TTC7B: variants seen among roughly 807,000 people sequenced by gnomAD.
TTC7B encodes the protein tetratricopeptide repeat protein 7B.
Under a neutral mutation model 106.8 loss-of-function variants are expected in TTC7B, and 28 were observed. That is an observed-to-expected ratio of 0.26 (90% CI 0.19 to 0.36). The LOEUF is 0.36. Ranked by LOEUF, TTC7B falls within the 10% of genes least tolerant of loss-of-function variation. The pLI is 1.00. For missense variants in TTC7B, 862 were observed against 1,076.4 expected, an observed-to-expected ratio of 0.80 and a Z score of 2.79; for synonymous variants, 405 against 430.6, an observed-to-expected ratio of 0.94 and a Z score of 0.74.
chr14:90,654,847 C>A, intron 12 of TTC7B, 146 bp downstream of exon 12: 2 of 635,140 alleles, frequency 3.1e-6, no homozygotes, highest in Non-Finnish European at 5.5e-6. Flanking sequence ...AGGACAGCAG[C>A]ACCAGGGGCC....
intron 19 of TTC7B, among the ~76,000 whole-genome samples, chr14:90,559,990 C>CAA (rs1311296878): frequency 3.9e-5 from 6 of 152,254 alleles, no homozygotes; most frequent in African/African-American, 1.4e-4. Flanking sequence ...CCCTTGGCCC[C>CAA]TGTCCCTCTG....
chr14:90,599,065 C>T (rs545631251), intron 17 of TTC7B, among the ~76,000 whole-genome samples: 59 of 152,244 alleles, frequency 3.9e-4, no homozygotes, highest in African/African-American at 1.3e-3. Flanking sequence ...GCAGGAGAAT[C>T]GGTTGAACCC....
intron 15 of TTC7B, among the ~76,000 whole-genome samples, chr14:90,630,063 C>A (rs1403216605): frequency 6.6e-6 from 1 of 152,246 alleles, no homozygotes; most frequent in Non-Finnish European, 1.5e-5. Context: ...ACATGGCTGT[C>A]TCCAACCCCG....
At chr14:90,706,599 C>A (rs1005804621) in intron 5 of TTC7B, among the ~76,000 whole-genome samples, 2 of 152,166 alleles carry the variant, frequency 1.3e-5, no homozygotes, top group African/African-American at 4.8e-5. Context: ...AACTTAAGCT[C>A]ATTTGATTAG....
chr14:90,630,226 C>T (rs755166818), intron 15 of TTC7B, among the ~76,000 whole-genome samples: 2 of 152,162 alleles, frequency 1.3e-5, no homozygotes, highest in African/African-American at 2.4e-5. Flanking sequence ...TCCCTCTTGA[C>T]AAGCATCTAT....
In TTC7B at chr14:90,720,567, G is replaced by A. The variant is rs147995362; in HGVS notation, c.698+9508C>T. Reference sequence around the variant, plus strand: ...GTGTTCCTGCAGTGTGTTCATTCACGATACTCCCATCCAGAGCATGAGCAA... The same window carrying A: ...GTGTTCCTGCAGTGTGTTCATTCACAATACTCCCATCCAGAGCATGAGCAA... On this transcript the variant is annotated intron_variant, in intron 5 of 19. Transcript: ENST00000328459. Among the ~76,000 whole-genome samples the A allele has an allele frequency of 1.4e-4, 21 of 152,216 alleles. No individual in the cohort carries two copies. The East Asian group carries it at 3.3e-3, about 24-fold the overall frequency.
rs1417367439 is a variant in TTC7B, at chr14:90,541,467, C to T, written c.2433G>A (p.Gln811=). 5 of 1,613,970 alleles carry T rather than the reference C, an allele frequency of 3.1e-6. No individual in the cohort carries two copies. The highest frequency in any genetic ancestry group is 3.4e-6 in the Non-Finnish European group (4 of 1,180,012). ...ACTCCGTAGCCGCCGCATCGTTGCC[C>T]TGAGCTTGGAGGACCTCGCCCAGCC... ...WNGLGEVLQA[Q]GNDAAATECF... The change falls in exon 20 of 20, where the codon CAG becomes CAA. Residue 811 remains glutamine (Q), a synonymous_variant. Transcript: ENST00000328459.
At chr14:90,719,071 G>A (rs1888777205) in intron 5 of TTC7B, among the ~76,000 whole-genome samples, 1 of 151,988 alleles carries the variant, frequency 6.6e-6, no homozygotes, top group African/African-American at 2.4e-5. Flanking sequence ...GACCAGCCTG[G>A]GCAATGTGGT....
intron 13 of TTC7B, among the ~76,000 whole-genome samples, chr14:90,648,210 A>C (rs1036764664): frequency 2.0e-5 from 3 of 152,182 alleles, no homozygotes; most frequent in Non-Finnish European, 4.4e-5. Flanking sequence ...TATTAATCTT[A>C]GGAGCAAAGC....
At chr14:90,708,528 A>G (rs376401350) in intron 5 of TTC7B, among the ~76,000 whole-genome samples, 29 of 152,344 alleles carry the variant, frequency 1.9e-4, no homozygotes, top group Middle Eastern at 6.8e-3. Flanking sequence ...ATGAAAGCAC[A>G]TCTGTTTACA....
intron 15 of TTC7B, among the ~76,000 whole-genome samples, chr14:90,629,158 T>C (rs1010369976): frequency 1.7e-4 from 26 of 152,368 alleles, no homozygotes; most frequent in African/African-American, 6.3e-4. Flanking sequence ...TTCTCCCCAG[T>C]TGTTTTCAGC....
At chr14:90,755,859 G>A (rs147682702) in intron 3 of TTC7B, among the ~76,000 whole-genome samples, 5 of 152,186 alleles carry the variant, frequency 3.3e-5, no homozygotes, top group Non-Finnish European at 7.3e-5. Flanking sequence ...TAGAAGGCTC[G>A]GCCCAGTGCC....
At chr14:90,585,803 C>T (rs866944773) in intron 18 of TTC7B, 7 of 152,284 alleles carry the variant, frequency 4.6e-5, no homozygotes, top group African/African-American at 1.4e-4. Context: ...ACCTTCTGTG[C>T]CTTAACTTCC....
intron 15 of TTC7B, among the ~76,000 whole-genome samples, chr14:90,634,501 G>A (rs959810709): frequency 1.3e-5 from 2 of 152,134 alleles, no homozygotes; most frequent in Non-Finnish European, 2.9e-5. Context: ...GCCGGGTGGG[G>A]TGGGTCAGGC....
chr14:90,806,411 G>T (rs896090580), intron 1 of TTC7B, among the ~76,000 whole-genome samples: 3 of 152,310 alleles, frequency 2.0e-5, no homozygotes, highest in Non-Finnish European at 4.4e-5. Flanking sequence ...CCTCCCCGCT[G>T]CAGGGCTTGC....
intron 9 of TTC7B, among the ~76,000 whole-genome samples, chr14:90,672,331 G>A (rs535410988): frequency 3.3e-5 from 5 of 152,278 alleles, no homozygotes; most frequent in Admixed American, 2.6e-4. Context: ...ACTCACACAC[G>A]AGCCACACGG....
chr14:90,808,964 A>G lies in TTC7B; in HGVS notation c.121+7211T>C, dbSNP rs1193827492. The stretch of plus-strand genomic sequence containing the variant: ...AGTTAGAACGCCTTCAGCAGCCAGT[A>G]ACGACCAAACGCCTGACTCAGTGTG... On this transcript the variant is annotated intron_variant, in intron 1 of 19. Transcript: ENST00000328459. The surrounding 1 kb of genome is among the most constrained non-coding windows in gnomAD (Gnocchi z 4.2). 2.0e-5 allele frequency among the ~76,000 whole-genome samples: 3 copies of G among 152,220 alleles called. No homozygotes were observed. Among genetic ancestry groups the G allele is most frequent in the African/African-American group, 7.2e-5 (3 of 41,458 alleles).
At chr14:90,801,667 C>T (rs867483131) in intron 1 of TTC7B, among the ~76,000 whole-genome samples, 4 of 152,100 alleles carry the variant, frequency 2.6e-5, no homozygotes, top group Non-Finnish European at 4.4e-5. Context: ...GAGGACTGAG[C>T]GGGAAGGACC....
chr14:90,730,438 G>C (rs771715344), intron 4 of TTC7B, among the ~76,000 whole-genome samples: 91 of 152,318 alleles, frequency 6.0e-4, no homozygotes, highest in Non-Finnish European at 1.0e-3. Context: ...CTGAGGAGTC[G>C]GGGGTGCTGA....
Sources: allele counts gnomAD v4.1 joint callset (sites outside exome capture counted in the v4.1 genomes callset), GRCh38; gene constraint gnomAD v4.1.1; non-coding constraint Gnocchi (gnomAD v3.1); transcripts MANE v1.5; gene names NCBI Gene and HGNC (gene_info 2026-07-23, HGNC 2026-07-21).